The following ROBO1 variants were observed in gnomAD, a reference collection of about 807,000 sequenced individuals.
ROBO1 encodes roundabout homolog 1.
In ROBO1, 149 loss-of-function variants were observed where a neutral mutation model predicts 195.9. The observed-to-expected ratio is 0.76, with a 90% confidence interval of 0.67 to 0.87. The LOEUF (loss-of-function observed/expected upper bound fraction) is 0.87. Among genes scored for constraint, ROBO1 ranks in the 40% least tolerant of loss-of-function variants. The pLI is 0.00. For synonymous variants in ROBO1, 816 were observed against 733.2 expected (o/e 1.11, Z -1.82); for missense variants, 1,933 against 2,068.3 (o/e 0.93, Z 1.27).
intron 2 of ROBO1, among the ~76,000 whole-genome samples, chr3:79,377,961 A>T (rs1234258245): frequency 2.0e-5 from 3 of 152,182 alleles, no homozygotes; most frequent in African/African-American, 7.2e-5. Flanking sequence ...TAAAACACTG[A>T]TTAATTGGAA....
At chr3:78,617,570 A>T in intron 27 of ROBO1, 65 bp downstream of exon 27, 1 of 1,489,706 alleles carries the variant, frequency 6.7e-7, no homozygotes, top group Non-Finnish European at 9.0e-7. Context: ...ATAGGACAGA[A>T]TCAGCAACAA....
chr3:79,563,233 T>C (rs1249512987), intron 2 of ROBO1, among the ~76,000 whole-genome samples: 2 of 152,052 alleles, frequency 1.3e-5, no homozygotes, highest in East Asian at 1.9e-4. Context: ...AAAAGTATGA[T>C]AGATTACATA....
intron 29 of ROBO1, among the ~76,000 whole-genome samples, 188 bp from the exon 30 acceptor site, chr3:78,600,497 T>C (rs892625891): frequency 6.6e-6 from 1 of 152,198 alleles, no homozygotes; most frequent in African/African-American, 2.4e-5. Flanking sequence ...ATAAGCCTTG[T>C]TGTTTTCCTG....
chr3:78,750,124 A>G (rs2082751566), intron 4 of ROBO1, among the ~76,000 whole-genome samples: 1 of 152,106 alleles, frequency 6.6e-6, no homozygotes, highest in African/African-American at 2.4e-5. Context: ...ACATTTCATT[A>G]AATATTTGAA....
At position 78,838,119 on chromosome 3, in the gene ROBO1, T is replaced by A. The variant is rs1046244557; in HGVS notation, c.500-91219A>T. Among the ~76,000 whole-genome samples, 8 of 152,190 alleles carry A rather than the reference T, an allele frequency of 5.3e-5. 1 individual carries two copies. Among genetic ancestry groups the A allele is most frequent in the African/African-American group, 1.9e-4 (8 of 41,454 alleles). On this transcript the variant is annotated intron_variant, in intron 4 of 30. Transcript: ENST00000464233. The stretch of plus-strand genomic sequence containing the variant: ...CATAAATACAGCTAATACACTAACA[T>A]CTTGGGTTTAGTTCCTGTTTTTTAA...
intron 1 of ROBO1, among the ~76,000 whole-genome samples, chr3:79,607,242 A>T (rs953706891): frequency 2.0e-5 from 3 of 151,660 alleles, no homozygotes; most frequent in African/African-American, 7.2e-5. Flanking sequence ...TAATATATTT[A>T]AAATTTCTTC....
intron 1 of ROBO1, among the ~76,000 whole-genome samples, chr3:79,758,231 T>C (rs1273209668): frequency 1.3e-5 from 2 of 152,210 alleles, no homozygotes; most frequent in Non-Finnish European, 2.9e-5. Flanking sequence ...ACCGTCTGTA[T>C]CTGCTCTATC....
chr3:78,861,671 T>A (rs573496885), intron 4 of ROBO1, among the ~76,000 whole-genome samples: 2 of 152,200 alleles, frequency 1.3e-5, no homozygotes, highest in Non-Finnish European at 2.9e-5. Flanking sequence ...AGGACATACT[T>A]CAAAAGCTAC....
At chr3:79,187,218 G>A (rs1447942946) in intron 2 of ROBO1, among the ~76,000 whole-genome samples, 2 of 151,936 alleles carry the variant, frequency 1.3e-5, no homozygotes, top group Non-Finnish European at 2.9e-5. Context: ...AAAACTTTCT[G>A]AGCATTAGAT....
chr3:78,768,361 T>G (rs900560479), intron 4 of ROBO1, among the ~76,000 whole-genome samples: 2 of 151,944 alleles, frequency 1.3e-5, no homozygotes, highest in African/African-American at 2.4e-5. Context: ...TAATACTTTA[T>G]GTACTTACAA....
intron 29 of ROBO1, among the ~76,000 whole-genome samples, chr3:78,602,470 G>A (rs1057173947): frequency 1.3e-5 from 2 of 152,068 alleles, no homozygotes; most frequent in Admixed American, 1.3e-4. Flanking sequence ...AAATTACCCA[G>A]TCTCAGGTTT....
intron 2 of ROBO1, among the ~76,000 whole-genome samples, chr3:79,504,914 G>A (rs970575070): frequency 2.8e-4 from 43 of 152,044 alleles, no homozygotes; most frequent in Middle Eastern, 3.4e-3. Context: ...AGCATCTGAA[G>A]TTCTGGCATA....
At chr3:78,979,934 T>C (rs2076957276) in intron 3 of ROBO1, among the ~76,000 whole-genome samples, 1 of 152,158 alleles carries the variant, frequency 6.6e-6, no homozygotes, top group African/African-American at 2.4e-5. Flanking sequence ...AACTGCTTTC[T>C]AAAATAGAAA....
intron 2 of ROBO1, among the ~76,000 whole-genome samples, chr3:79,177,690 T>G (rs2081280712): frequency 6.6e-6 from 1 of 152,254 alleles, no homozygotes; most frequent in Admixed American, 6.5e-5. Flanking sequence ...GAACATGGCA[T>G]AAGAGCATTC....
At chr3:79,178,093 A>C (rs1479643501) in intron 2 of ROBO1, among the ~76,000 whole-genome samples, 1 of 152,216 alleles carries the variant, frequency 6.6e-6, no homozygotes, top group African/African-American at 2.4e-5. Flanking sequence ...TGACAATTTG[A>C]CTTTAGTTGC....
chr3:78,740,187 T>A (rs1327286362), intron 5 of ROBO1, among the ~76,000 whole-genome samples: 2 of 152,124 alleles, frequency 1.3e-5, no homozygotes, highest in Non-Finnish European at 2.9e-5. Flanking sequence ...CTTCTTCACC[T>A]TCTTCATAAG....
chr3:78,771,439 T>G (rs940198476), intron 4 of ROBO1, among the ~76,000 whole-genome samples: 2 of 152,186 alleles, frequency 1.3e-5, no homozygotes, highest in Non-Finnish European at 2.9e-5. Context: ...AAGAATGACA[T>G]TGGTAGTTTA....
chr3:78,924,198 A>G (rs560052882), intron 4 of ROBO1, among the ~76,000 whole-genome samples: 2 of 152,220 alleles, frequency 1.3e-5, no homozygotes, highest in East Asian at 1.9e-4. Context: ...TCTAATATAC[A>G]CTTAGTATTC....
At chr3:78,851,519 G>A (rs981418299) in intron 4 of ROBO1, among the ~76,000 whole-genome samples, 1 of 152,068 alleles carries the variant, frequency 6.6e-6, no homozygotes, top group Non-Finnish European at 1.5e-5. Flanking sequence ...AGAGCACTTG[G>A]CACATTTCCT....
Sources: gnomAD v4.1 joint callset for allele counts (sites outside exome capture counted in the v4.1 genomes callset) on GRCh38, gnomAD v4.1.1 for gene constraint, MANE v1.5 for transcripts, NCBI Gene and HGNC (gene_info 2026-07-23, HGNC 2026-07-21) for gene names.